The following DLGAP1 variants were observed in gnomAD, a reference collection of about 807,000 sequenced individuals.
DLGAP1 encodes disks large-associated protein 1.
In DLGAP1, 11 loss-of-function variants were observed where a neutral mutation model predicts 90.8. The observed-to-expected ratio is 0.12, with a 90% CI of 0.08 to 0.20. The LOEUF is 0.20. Among genes scored for constraint, DLGAP1 ranks in the 10% least tolerant of loss-of-function variants. The pLI is 1.00. For synonymous variants in DLGAP1, 558 were observed against 540.7 expected (o/e 1.03, Z -0.44); for missense variants, 1,050 against 1,333.8 (o/e 0.79, Z 3.31).
At chr18:4,402,887 T>C (rs1205826796) in intron 1 of DLGAP1, among the ~76,000 whole-genome samples, 1 of 152,270 alleles carries the variant, frequency 6.6e-6, no homozygotes, top group East Asian at 1.9e-4. Flanking sequence ...TTAATGGAGA[T>C]TGTACAGATT....
chr18:3,552,213 T>C (rs2053515742), intron 9 of DLGAP1, among the ~76,000 whole-genome samples: 1 of 152,138 alleles, frequency 6.6e-6, no homozygotes, highest in South Asian at 2.1e-4. Context: ...GCTTCTTTAC[T>C]CACCTTTCCT....
chr18:3,531,162 C>T (rs372855816), intron 10 of DLGAP1, among the ~76,000 whole-genome samples: 3 of 152,086 alleles, frequency 2.0e-5, no homozygotes, highest in South Asian at 4.1e-4. Flanking sequence ...ATTGGCCGGG[C>T]GCTGTGGCTC....
intron 7 of DLGAP1, among the ~76,000 whole-genome samples, chr18:3,686,388 G>A (rs764038978): frequency 4.6e-5 from 7 of 152,018 alleles, no homozygotes; most frequent in Admixed American, 2.0e-4. Context: ...TTTGAGAACT[G>A]TAGCAAAGCA....
intron 3 of DLGAP1, among the ~76,000 whole-genome samples, chr18:3,968,661 A>G (rs1257634310): frequency 6.6e-6 from 1 of 152,218 alleles, no homozygotes; most frequent in African/African-American, 2.4e-5. Context: ...CTGATTTCAA[A>G]CCAATATTCA....
intron 4 of DLGAP1, among the ~76,000 whole-genome samples, chr18:3,857,250 ACC>A (rs1441706540): frequency 6.6e-6 from 1 of 152,228 alleles, no homozygotes. Context: ...GGGAATTCTA[ACC>A]AGGAAAAGAG....
rs138726609 is a variant in DLGAP1, at chr18:3,868,810, T to G, written c.957+10302A>C. Reference sequence around the variant, plus strand: ...TGGAGAAGAGGTCATGAGAGAGATCTGGCTTCAGTGTTTACTTGCTCTTTT... The same window carrying G: ...TGGAGAAGAGGTCATGAGAGAGATCGGGCTTCAGTGTTTACTTGCTCTTTT... On this transcript the variant is annotated intron_variant, in intron 4 of 12. Transcript: ENST00000315677. Among the ~76,000 whole-genome samples, 6 of 152,322 alleles carry G rather than the reference T, an allele frequency of 3.9e-5. No individual in the cohort carries two copies. In the East Asian group the frequency reaches 1.2e-3, roughly 29 times the overall value.
chr18:3,662,771 G>GGT (rs1285629348), intron 7 of DLGAP1, among the ~76,000 whole-genome samples: 1 of 152,234 alleles, frequency 6.6e-6, no homozygotes, highest in African/African-American at 2.4e-5. Flanking sequence ...GACTTGCTAT[G>GGT]GTAATGCCTG....
intron 3 of DLGAP1, among the ~76,000 whole-genome samples, chr18:3,977,432 G>GTTTTT (rs1467413382): frequency 9.7e-4 from 51 of 52,732 alleles, no homozygotes; most frequent in African/African-American, 3.9e-3. Context: ...TGTTTATTCT[G>GTTTTT]TGTTTTTTTT....
chr18:4,420,821 T>C (rs281009), intron 1 of DLGAP1, among the ~76,000 whole-genome samples: 142,460 of 152,240 alleles, frequency 0.94, 67,346 homozygotes, highest in East Asian at 1. Flanking sequence ...TTTCCCTCCA[T>C]TAAGATATTT....
intron 8 of DLGAP1, chr18:3,580,657 A>T (rs926939645): frequency 1.2e-6 from 2 of 1,606,844 alleles, no homozygotes; most frequent in African/African-American, 2.7e-5. Flanking sequence ...AGGCGAGGAG[A>T]TTGCTGGGCC....
intron 2 of DLGAP1, among the ~76,000 whole-genome samples, chr18:4,023,468 GT>G (rs1453656838): frequency 1.3e-5 from 2 of 152,136 alleles, no homozygotes; most frequent in Non-Finnish European, 2.9e-5. Flanking sequence ...CTTTCAGCAA[GT>G]GTATTCGCAT....
At chr18:4,298,658 G>C (rs907201485) in intron 1 of DLGAP1, among the ~76,000 whole-genome samples, 5 of 152,036 alleles carry the variant, frequency 3.3e-5, no homozygotes, top group African/African-American at 1.2e-4. Flanking sequence ...AGCATCGGGA[G>C]ATATACCTAA....
At chr18:3,546,414 CAAAAA>C (rs58897010) in intron 9 of DLGAP1, among the ~76,000 whole-genome samples, 3 of 122,360 alleles carry the variant, frequency 2.5e-5, no homozygotes, top group Admixed American at 8.3e-5. Flanking sequence ...AACCTTGTCT[CAAAAA>C]AAAAAAAAAA....
chr18:4,223,408 T>C (rs1251664166), intron 1 of DLGAP1, among the ~76,000 whole-genome samples: 3 of 152,196 alleles, frequency 2.0e-5, no homozygotes, highest in Non-Finnish European at 4.4e-5. Context: ...AGTGTGTTAG[T>C]CTACAATTAT....
chr18:4,446,328 G>GCA (rs2083666667), intron 1 of DLGAP1, among the ~76,000 whole-genome samples: 1 of 152,118 alleles, frequency 6.6e-6, no homozygotes, highest in Non-Finnish European at 1.5e-5. Context: ...GACCTCAAGA[G>GCA]CATTTTAGAA....
chr18:4,064,911 T>C (rs192087075), intron 2 of DLGAP1, among the ~76,000 whole-genome samples: 75 of 152,240 alleles, frequency 4.9e-4, no homozygotes, highest in East Asian at 3.9e-4. Flanking sequence ...TTGAAGAACA[T>C]TGATGCAAAA....
intron 4 of DLGAP1, among the ~76,000 whole-genome samples, chr18:3,825,934 C>A (rs925853402): frequency 1.3e-5 from 2 of 152,136 alleles, no homozygotes; most frequent in Admixed American, 1.3e-4. Flanking sequence ...CTATGGAATA[C>A]TATGCAGCCA....
At chr18:3,585,443 A>G (rs1054057345) in intron 7 of DLGAP1, among the ~76,000 whole-genome samples, 1 of 152,216 alleles carries the variant, frequency 6.6e-6, no homozygotes, top group African/African-American at 2.4e-5. Flanking sequence ...AATTGAATGA[A>G]ACTACAGCAT....
intron 1 of DLGAP1, among the ~76,000 whole-genome samples, chr18:4,181,264 C>G (rs2077203343): frequency 6.6e-6 from 1 of 152,136 alleles, no homozygotes; most frequent in Non-Finnish European, 1.5e-5. Flanking sequence ...CAGAGTTACA[C>G]TGGATGAGTT....
Sources: gnomAD v4.1 joint callset for allele counts (sites outside exome capture counted in the v4.1 genomes callset) on GRCh38, gnomAD v4.1.1 for gene constraint, MANE v1.5 for transcripts, NCBI Gene and HGNC (gene_info 2026-07-23, HGNC 2026-07-21) for gene names.